The following SERINC5 variants were observed in gnomAD, a reference collection of about 807,000 sequenced individuals.
SERINC5 encodes serine incorporator 5, also known as chromosome 5 open reading frame 12.
SERINC5 carries 41 observed loss-of-function variants against 63.1 expected under a neutral mutation model. That is an observed-to-expected ratio of 0.65 (90% confidence interval 0.51 to 0.84). SERINC5 has a LOEUF of 0.84. Ranked by LOEUF, SERINC5 falls within the 40% of genes least tolerant of loss-of-function variation. SERINC5 has a pLI of 0.00. For synonymous variants in SERINC5, 222 were observed against 215.2 expected, an observed-to-expected ratio of 1.03 and a Z score of -0.28; for missense variants, 523 against 573.0, an observed-to-expected ratio of 0.91 and a Z score of 0.89.
In SERINC5 at chr5:80,143,566, C is replaced by G. The variant is rs1388067177; in HGVS notation, c.*97G>C. On this transcript the variant is annotated 3_prime_UTR_variant, in exon 12 of 12. Transcript: ENST00000507668. ...CTCTCAAAGCTTTTTCAGACCCACT[C>G]AGGCACAGGGCGCCAGTCCCTGCCC... 1 of 1,405,298 alleles carries G rather than the reference C, an allele frequency of 7.1e-7. No individual in the cohort carries two copies. The highest frequency in any genetic ancestry group is 1.5e-5 in the African/African-American group (1 of 68,884). The allele number at this position is 1,405,298 out of a possible 1,614,324, so 87.1% of individuals were successfully genotyped here.
intron 1 of SERINC5, among the ~76,000 whole-genome samples, chr5:80,221,938 G>A (rs1355080844): frequency 6.6e-6 from 1 of 152,050 alleles, no homozygotes; most frequent in Non-Finnish European, 1.5e-5. Flanking sequence ...CTTGAGCCCA[G>A]GAGTTCAAGA....
At chr5:80,184,157 A>C (rs1039359942) in intron 2 of SERINC5, among the ~76,000 whole-genome samples, 2 of 152,192 alleles carry the variant, frequency 1.3e-5, no homozygotes, top group African/African-American at 4.8e-5. Context: ...ACATTCATGG[A>C]GAAGCCATAC....
At position 80,155,716 on chromosome 5, in the gene SERINC5, A is replaced by G. The variant is rs537844500; in HGVS notation, c.986+3120T>C. Among the ~76,000 whole-genome samples, 65 of 152,298 alleles carry G rather than the reference A, an allele frequency of 4.3e-4. 1 individual carries two copies. Among genetic ancestry groups the G allele is most frequent in the Non-Finnish European group, 5.6e-4 (38 of 68,032 alleles). Reference sequence around the variant, plus strand: ...GGACAGTTTACCCAGCCTGGGTAACATAGTGAGAACTTGCCTTAAAACATT... The same window carrying G: ...GGACAGTTTACCCAGCCTGGGTAACGTAGTGAGAACTTGCCTTAAAACATT... On this transcript the variant is annotated intron_variant, in intron 8 of 11. Transcript: ENST00000507668.
chr5:80,175,841 G>A (rs926752194), intron 4 of SERINC5, among the ~76,000 whole-genome samples: 1 of 144,670 alleles, frequency 6.9e-6, no homozygotes, highest in African/African-American at 2.6e-5. Context: ...TCCAGCCTGG[G>A]TGACAGAGCG....
chr5:80,215,898 G>A (rs1401275308), intron 1 of SERINC5, among the ~76,000 whole-genome samples: 1 of 152,126 alleles, frequency 6.6e-6, no homozygotes, highest in Non-Finnish European at 1.5e-5. Context: ...CTTTTTTGGA[G>A]TCTCTTTCTC....
Position 80,175,035 on chromosome 5 carries a change from A to G in SERINC5, c.470T>C (p.Val157Ala), listed in dbSNP as rs1747941864. 6.3e-7 allele frequency: 1 copy of G among 1,594,280 alleles called. No individual in the cohort carries two copies. The highest frequency in any genetic ancestry group is 8.5e-7 in the Non-Finnish European group (1 of 1,169,828). ...GAAGAGGAAGCCTCCGACGGCTCCC[A>G]CATAGCGCCAGGCTGCAAAAGACCA... ...QDTFLNAWRYVGAVGGFLFIG... is the reference protein window; with the variant it reads ...QDTFLNAWRYAGAVGGFLFIG... Residue 157 changes from valine (V) to alanine (A), a missense_variant, in exon 5 of 12, where the codon GTG (valine) becomes GCG (alanine). By Grantham distance (64) the Val-to-Ala change is moderately conservative. Coordinates refer to ENST00000507668, the MANE Select transcript of SERINC5 (RefSeq NM_001174072.3).
At chr5:80,216,073 A>G (rs958730828) in intron 1 of SERINC5, among the ~76,000 whole-genome samples, 10 of 152,218 alleles carry the variant, frequency 6.6e-5, no homozygotes, top group Non-Finnish European at 1.0e-4. Flanking sequence ...GGTGAGATCT[A>G]TAAGGTTTGA....
At chr5:80,226,094 G>A (rs1027684063) in intron 1 of SERINC5, among the ~76,000 whole-genome samples, 1 of 150,120 alleles carries the variant, frequency 6.7e-6, no homozygotes, top group African/African-American at 2.4e-5. Context: ...GTCTCACTCT[G>A]TCCCCCCAGG....
rs72476401 is a variant in SERINC5 at position 80,230,445 on chromosome 5, C to CAAAAA, written c.27+25446_27+25450dup. Reference sequence around the variant, plus strand: ...ACTGCATTCTAGAGCAAGACTGTCACAAAAAAAAAAAAAAAAAGAAACCAT... The same window carrying CAAAAA: ...ACTGCATTCTAGAGCAAGACTGTCACAAAAAAAAAAAAAAAAAAAAAAGAAACCAT... On this transcript the variant is annotated intron_variant, in intron 1 of 11. Coordinates refer to ENST00000507668, the MANE Select transcript of SERINC5 (RefSeq NM_001174072.3). 2.0e-4 allele frequency among the ~76,000 whole-genome samples: 19 copies of CAAAAA among 93,142 alleles called. 1 individual carries two copies. Among genetic ancestry groups the CAAAAA allele is most frequent in the East Asian group, 2.9e-4 (1 of 3,432 alleles). The allele number at this position is 93,142 out of a possible 152,430, so 61.1% of individuals were successfully genotyped here.
At chr5:80,162,579 G>C (rs954587738) in intron 7 of SERINC5, among the ~76,000 whole-genome samples, 1 of 152,102 alleles carries the variant, frequency 6.6e-6, no homozygotes. Flanking sequence ...TCCCTATGTT[G>C]CTCAGGCCGG....
At chr5:80,219,681 A>G (rs1483492946) in intron 1 of SERINC5, among the ~76,000 whole-genome samples, 1 of 152,168 alleles carries the variant, frequency 6.6e-6, no homozygotes, top group East Asian at 1.9e-4. Context: ...ACCAACTGGC[A>G]GAGAACTGTC....
At chr5:80,166,551 T>A (rs956463342) in intron 6 of SERINC5, 73 bp from the exon 7 acceptor site, 1 of 959,192 alleles carries the variant, frequency 1.0e-6, no homozygotes, top group South Asian at 1.4e-5. Context: ...AAAAACCTGA[T>A]AGTCCCCATG....
At chr5:80,157,899 C>G (rs1181164580) in intron 8 of SERINC5, 1 of 152,130 alleles carries the variant, frequency 6.6e-6, no homozygotes, top group East Asian at 1.9e-4. Context: ...CCCCGTTGGT[C>G]CCTTTCTAAT....
intron 2 of SERINC5, among the ~76,000 whole-genome samples, chr5:80,195,930 C>T (rs949467448): frequency 3.9e-5 from 6 of 152,138 alleles, no homozygotes; most frequent in African/African-American, 7.2e-5. Flanking sequence ...GCCTAACTAA[C>T]GGGCTAAGTT....
intron 5 of SERINC5, among the ~76,000 whole-genome samples, chr5:80,172,640 G>A (rs1056005131): frequency 2.7e-5 from 4 of 149,320 alleles, no homozygotes; most frequent in Non-Finnish European, 5.9e-5. Flanking sequence ...ACACTCCAAT[G>A]ACCTTGGAAT....
intron 4 of SERINC5, among the ~76,000 whole-genome samples, chr5:80,176,076 G>A (rs868530921): frequency 2.6e-5 from 4 of 152,100 alleles, no homozygotes; most frequent in African/African-American, 9.6e-5. Flanking sequence ...CTACTCGGGA[G>A]GCTGAGGCAG....
At chr5:80,172,270 C>T (rs565029560) in intron 5 of SERINC5, among the ~76,000 whole-genome samples, 4 of 152,072 alleles carry the variant, frequency 2.6e-5, no homozygotes, top group South Asian at 2.1e-4. Context: ...GCGGTGAGCC[C>T]AGATCATGCC....
chr5:80,239,245 C>T (rs1171040408), intron 1 of SERINC5, among the ~76,000 whole-genome samples: 1 of 152,236 alleles, frequency 6.6e-6, no homozygotes, highest in East Asian at 1.9e-4. Context: ...TCAGAAACCT[C>T]ATCAGCAGCT....
chr5:80,198,676 G>A, intron 2 of SERINC5: 1 of 985,404 alleles, frequency 1.0e-6, no homozygotes, highest in South Asian at 4.7e-5. Context: ...CCTACAAGGG[G>A]ACCTTTCAAC....
Sources: gnomAD v4.1 joint callset for allele counts (sites outside exome capture counted in the v4.1 genomes callset) on GRCh38, gnomAD v4.1.1 for gene constraint, MANE v1.5 for transcripts, NCBI Gene and HGNC (gene_info 2026-07-23, HGNC 2026-07-21) for gene names.